EDIL3: variants seen among roughly 807,000 people sequenced by gnomAD.
The protein encoded by EDIL3 is EGF like and discoidin domains 3.
In EDIL3, 37 loss-of-function variants were observed where a neutral mutation model predicts 67.4. The ratio of observed to expected loss-of-function variants is 0.55; its 90% CI spans 0.42 to 0.72. EDIL3 has a LOEUF of 0.72. Among genes scored for constraint, EDIL3 ranks in the 30% least tolerant of loss-of-function variants. The probability of loss-of-function intolerance (pLI) is 0.00; values close to 1 mark genes in which losing one functional copy is unlikely to be tolerated. For synonymous variants in EDIL3, 195 were observed against 196.3 expected (o/e 0.99, Z 0.05); for missense variants, 527 against 586.3 (o/e 0.90, Z 1.04).
chr5:84,160,441 T>A (rs1479718338), intron 4 of EDIL3, among the ~76,000 whole-genome samples: 1 of 152,172 alleles, frequency 6.6e-6, no homozygotes, highest in Admixed American at 6.6e-5. Context: ...GAATAATGAA[T>A]GGTTGATAGA....
intron 1 of EDIL3, among the ~76,000 whole-genome samples, chr5:84,276,279 TAGA>T (rs1745581725): frequency 6.6e-6 from 1 of 152,208 alleles, no homozygotes; most frequent in East Asian, 1.9e-4. Context: ...AATCCAGTTT[TAGA>T]AGATTGGTGT....
intron 6 of EDIL3, among the ~76,000 whole-genome samples, chr5:84,102,518 CA>C (rs1377595663): frequency 1.3e-5 from 2 of 151,504 alleles, no homozygotes; most frequent in East Asian, 3.9e-4. Context: ...GGTAAAAAAT[CA>C]ACATACAAAA....
chr5:84,299,602 A>T (rs1310724007), intron 1 of EDIL3, among the ~76,000 whole-genome samples: 1 of 152,124 alleles, frequency 6.6e-6, no homozygotes, highest in African/African-American at 2.4e-5. Context: ...ACTTATATTC[A>T]ATTGTTTCAT....
intron 1 of EDIL3, among the ~76,000 whole-genome samples, chr5:84,306,092 T>C (rs1385240596): frequency 6.6e-6 from 1 of 152,138 alleles, no homozygotes; most frequent in African/African-American, 2.4e-5. Flanking sequence ...TTCTAACTTT[T>C]TATGTAAAAG....
intron 3 of EDIL3, among the ~76,000 whole-genome samples, chr5:84,198,044 A>G (rs1281076939): frequency 6.6e-6 from 1 of 152,070 alleles, no homozygotes; most frequent in Non-Finnish European, 1.5e-5. Context: ...CATTTTAAAT[A>G]CAACTATGGG....
intron 3 of EDIL3, among the ~76,000 whole-genome samples, chr5:84,203,774 T>C (rs966183218): frequency 5.9e-5 from 9 of 152,180 alleles, no homozygotes; most frequent in African/African-American, 2.2e-4. Flanking sequence ...TTTTAGAAAA[T>C]GTCAACATTC....
At chr5:84,078,793 C>T (rs1228406982) in intron 6 of EDIL3, 2 of 152,098 alleles carry the variant, frequency 1.3e-5, no homozygotes, top group Non-Finnish European at 2.9e-5. Context: ...AGCACAGTTA[C>T]CTACAAAAGT....
intron 1 of EDIL3, among the ~76,000 whole-genome samples, chr5:84,272,130 T>C (rs1252739003): frequency 6.6e-6 from 1 of 152,186 alleles, no homozygotes; most frequent in Non-Finnish European, 1.5e-5. Flanking sequence ...GTAACTTCTT[T>C]ATTTGTTAAT....
chr5:84,282,884 T>A lies in EDIL3; in HGVS notation c.68-28672A>T, dbSNP rs530151509. On this transcript the variant is annotated intron_variant, in intron 1 of 10. Coordinates refer to ENST00000296591, the MANE Select transcript of EDIL3 (RefSeq NM_005711.5). ...TGTAGTTAAGTATATAATATTAATATTCAGTAACTGTTATTTCTTTTTCAG... is the reference window on the plus strand; with the variant it reads ...TGTAGTTAAGTATATAATATTAATAATCAGTAACTGTTATTTCTTTTTCAG... 2.0e-3 allele frequency among the ~76,000 whole-genome samples: 312 copies of A among 152,304 alleles called. 2 individuals carry two copies. The highest frequency in any genetic ancestry group is 7.2e-3 in the African/African-American group (299 of 41,566).
At chr5:84,352,822 T>C (rs1436089189) in intron 1 of EDIL3, among the ~76,000 whole-genome samples, 1 of 152,072 alleles carries the variant, frequency 6.6e-6, no homozygotes, top group African/African-American at 2.4e-5. Flanking sequence ...AAAAGAAATA[T>C]GATGTGATAC....
intron 4 of EDIL3, among the ~76,000 whole-genome samples, chr5:84,159,459 A>G (rs1748565112): frequency 6.6e-6 from 1 of 152,044 alleles, no homozygotes; most frequent in African/African-American, 2.4e-5. Flanking sequence ...TTATAAGTTC[A>G]AGCTTACCTG....
At chr5:84,081,506 T>C (rs1333737027) in intron 6 of EDIL3, among the ~76,000 whole-genome samples, 2 of 152,122 alleles carry the variant, frequency 1.3e-5, no homozygotes, top group East Asian at 3.9e-4. Context: ...AAGGTCACTT[T>C]GCTAATGAAT....
intron 9 of EDIL3, among the ~76,000 whole-genome samples, chr5:84,055,785 G>T (rs1403645091): frequency 6.6e-6 from 1 of 152,158 alleles, no homozygotes; most frequent in Non-Finnish European, 1.5e-5. Context: ...AGTTAGAATG[G>T]CAATCATTCA....
chr5:84,137,153 A>G, intron 5 of EDIL3, 88 bp downstream of exon 5: 1 of 855,408 alleles, frequency 1.2e-6, no homozygotes, highest in Non-Finnish European at 1.7e-6. Flanking sequence ...ATAAAAATAT[A>G]TATGCATACA....
At chr5:84,133,005 A>G (rs544900124) in intron 5 of EDIL3, among the ~76,000 whole-genome samples, 66 of 152,214 alleles carry the variant, frequency 4.3e-4, no homozygotes, top group African/African-American at 1.6e-3. Context: ...ACTTTCCCAA[A>G]GTAGTGCCAG....
At chr5:84,272,721 T>C (rs545542193) in intron 1 of EDIL3, among the ~76,000 whole-genome samples, 68 of 152,300 alleles carry the variant, frequency 4.5e-4, no homozygotes, top group African/African-American at 1.5e-3. Context: ...TGCCAGTTGC[T>C]TTGAAACCCA....
At chr5:84,149,593 A>T (rs1441837414) in intron 4 of EDIL3, among the ~76,000 whole-genome samples, 1 of 152,204 alleles carries the variant, frequency 6.6e-6, no homozygotes. Context: ...ACTACAAAGT[A>T]CTGAGCACTC....
At chr5:84,183,844 G>A (rs1449122738) in intron 3 of EDIL3, among the ~76,000 whole-genome samples, 2 of 152,162 alleles carry the variant, frequency 1.3e-5, no homozygotes. Flanking sequence ...GGTGGCTCAC[G>A]CCTGTAATCC....
chr5:84,282,439 A>T (rs1745723806), intron 1 of EDIL3, among the ~76,000 whole-genome samples: 1 of 152,040 alleles, frequency 6.6e-6, no homozygotes, highest in Admixed American at 6.6e-5. Context: ...TACCCAGAAA[A>T]CTTCAATTCA....
Sources: allele counts gnomAD v4.1 joint callset (sites outside exome capture counted in the v4.1 genomes callset), GRCh38; gene constraint gnomAD v4.1.1; transcripts MANE v1.5; gene names NCBI Gene and HGNC (gene_info 2026-07-23, HGNC 2026-07-21).